Variants in IRF6 observed in about 807,000 individuals in gnomAD.
The protein encoded by IRF6 is interferon regulatory factor 6, also known as Van der Woude syndrome.
IRF6 carries 6 observed loss-of-function variants against 51.4 expected under a neutral mutation model. The ratio of observed to expected loss-of-function variants is 0.12; its 90% CI spans 0.06 to 0.23. The LOEUF is 0.23. Among genes scored for constraint, IRF6 ranks in the 10% least tolerant of loss-of-function variants. The probability of loss-of-function intolerance (pLI) is 1.00; values close to 1 mark genes in which losing one functional copy is unlikely to be tolerated. For missense variants in IRF6, 348 were observed against 585.2 expected (o/e 0.59, Z 4.18); for synonymous variants, 178 against 215.7 (o/e 0.83, Z 1.53).
At chr1:209,794,232 T>C (rs2077887263) in intron 5 of IRF6, among the ~76,000 whole-genome samples, 1 of 152,236 alleles carries the variant, frequency 6.6e-6, no homozygotes, top group Non-Finnish European at 1.5e-5. Flanking sequence ...TTCATCAGCA[T>C]CTGTTATTTT....
chr1:209,805,832 C>G (rs1167739690), intron 1 of IRF6, 115 bp downstream of exon 1: 2 of 152,508 alleles, frequency 1.3e-5, no homozygotes, highest in Non-Finnish European at 2.9e-5. Flanking sequence ...CCCAAACACA[C>G]AGATGCCCCC....
At chr1:209,804,180 AATCCTTTGT>A (rs1375184286) in intron 1 of IRF6, among the ~76,000 whole-genome samples, 1 of 152,200 alleles carries the variant, frequency 6.6e-6, no homozygotes, top group African/African-American at 2.4e-5. Context: ...TGGTAACAAC[AATCCTTTGT>A]ATCTGTGTAG....
At chr1:209,799,371 C>T (rs1021143488) in intron 3 of IRF6, among the ~76,000 whole-genome samples, 1 of 152,104 alleles carries the variant, frequency 6.6e-6, no homozygotes, top group African/African-American at 2.4e-5. Flanking sequence ...TTATTCAGCC[C>T]CTCTAAGACT....
chr1:209,787,652 AATAAGGTAAATGCC>A lies in IRF6; in HGVS notation c.*754_*767del, dbSNP rs1341052149. On this transcript the variant is annotated 3_prime_UTR_variant, in exon 9 of 9. Coordinates refer to ENST00000367021, the MANE Select transcript of IRF6 (RefSeq NM_006147.4). ...ACACACACACTGGTATTTGAGTGGTAATAAGGTAAATGCCTGACAACCTATTCTTCCACAGAATC... is the reference window on the plus strand; with the variant it reads ...ACACACACACTGGTATTTGAGTGGTATGACAACCTATTCTTCCACAGAATC... The A allele has an allele frequency of 6.7e-6, 1 of 149,492 alleles. No homozygotes were observed. Among genetic ancestry groups the A allele is most frequent in the African/African-American group, 2.4e-5 (1 of 40,830 alleles). 9.3% of individuals were successfully genotyped at this position (149,492 alleles called of 1,614,324 possible). A position where few individuals can be genotyped will look rare whatever the true frequency, so the allele number is the denominator to read the frequency against.
intron 5 of IRF6, 127 bp downstream of exon 5, chr1:209,795,163 T>A (rs2077892943): frequency 2.7e-6 from 3 of 1,110,230 alleles, no homozygotes; most frequent in Non-Finnish European, 4.1e-6. Flanking sequence ...TTGCTAACAG[T>A]CCAGCAGTCT....
rs2077845642 is a variant in IRF6 at position 209,788,195 on chromosome 1, T to C, written c.*225A>G. The C allele has an allele frequency of 1.8e-6, 1 of 564,662 alleles. No individual in the cohort carries two copies. The highest frequency in any genetic ancestry group is 3.2e-6 in the Non-Finnish European group (1 of 316,958). The allele number at this position is 564,662 out of a possible 1,614,324, so 35.0% of individuals were successfully genotyped here. A position where few individuals can be genotyped will look rare whatever the true frequency, so the allele number is the denominator to read the frequency against. On this transcript the variant is annotated 3_prime_UTR_variant, in exon 9 of 9. Transcript: ENST00000367021. ...TCCCAGGCCAAATCTCCTTCTACTA[T>C]GCTATATCATACTACCATTAGGAGA... is the stretch of plus-strand genomic sequence containing the variant.
intron 3 of IRF6, among the ~76,000 whole-genome samples, 153 bp downstream of exon 3, chr1:209,801,086 CA>C (rs781380530): frequency 6.9e-6 from 1 of 145,500 alleles, no homozygotes; most frequent in African/African-American, 2.6e-5. Context: ...GACATGCCCC[CA>C]AAAGAGGAAT....
intron 3 of IRF6, among the ~76,000 whole-genome samples, chr1:209,800,180 A>G (rs2077931895): frequency 1.3e-5 from 2 of 152,224 alleles, no homozygotes; most frequent in Admixed American, 6.5e-5. Context: ...GTGACCAAGA[A>G]AGAAGCTGGT....
intron 3 of IRF6, among the ~76,000 whole-genome samples, chr1:209,797,370 C>CAAAA (rs11418099): frequency 0.012 from 572 of 48,580 alleles, 84 homozygotes; most frequent in African/African-American, 0.049. Flanking sequence ...AACTTCATCT[C>CAAAA]AAAAAAAAAA....
In IRF6 at chr1:209,796,274, G is replaced by A; in HGVS notation, c.379+74C>T. 2 of 1,278,642 alleles carry A rather than the reference G, an allele frequency of 1.6e-6. No homozygotes were observed. The highest frequency in any genetic ancestry group is 2.3e-6 in the Non-Finnish European group (2 of 882,674). The allele number at this position is 1,278,642 out of a possible 1,614,324, so 79.2% of individuals were successfully genotyped here. A position where few individuals can be genotyped will look rare whatever the true frequency, so the allele number is the denominator to read the frequency against. ...ACTGTGTAAATCAGGCTGTTTTCAA[G>A]TTGACTATCTCTTAAGAGTGCAGCC... On this transcript the variant is annotated intron_variant, in intron 4 of 8. Coordinates refer to ENST00000367021, the MANE Select transcript of IRF6 (RefSeq NM_006147.4). This position sits in a 1 kb window ranked among gnomAD's most constrained non-coding sequence, Gnocchi z 4.5.
chr1:209,792,557 C>A, intron 5 of IRF6, 130 bp from the exon 6 acceptor site: 2 of 911,128 alleles, frequency 2.2e-6, no homozygotes, highest in East Asian at 5.2e-5. Context: ...GATCTTCCAG[C>A]CCATCAGTGA....
chr1:209,790,432 T>C lies in IRF6; in HGVS notation c.1060+63A>G, dbSNP rs1558039021. 4 of 1,548,714 alleles carry C rather than the reference T, an allele frequency of 2.6e-6. No homozygotes were observed. The highest frequency in any genetic ancestry group is 2.7e-5 in the African/African-American group (2 of 73,522). ...AAAGCAGGAAGGTGAAAGACAGGGA[T>C]AGTGGAAGGAATGTACTTCCAGAGA... On this transcript the variant is annotated intron_variant, in intron 7 of 8. Coordinates refer to ENST00000367021, the MANE Select transcript of IRF6 (RefSeq NM_006147.4). The surrounding 1 kb of genome is among the most constrained non-coding windows in gnomAD (Gnocchi z 4.8).
At chr1:209,794,390 T>C (rs2077888344) in intron 5 of IRF6, among the ~76,000 whole-genome samples, 1 of 152,174 alleles carries the variant, frequency 6.6e-6, no homozygotes. Flanking sequence ...CCACACTTGG[T>C]TGCAAAGATA....
In IRF6 at chr1:209,801,274, C is replaced by A. The variant is rs1022594601; in HGVS notation, c.140G>T (p.Ser47Ile). The A allele has an allele frequency of 6.2e-7, 1 of 1,613,284 alleles. No homozygotes were observed. The highest frequency in any genetic ancestry group is 2.2e-5 in the East Asian group (1 of 44,818). Residue 47 changes from serine to isoleucine, a missense_variant, in exon 3 of 9, where the codon AGC becomes ATC. Physicochemically the swap from Ser to Ile is moderately radical, Grantham distance 142. This residue lies in a region of IRF6 where 48 missense variants were observed against 128.1 expected (regional missense o/e 0.37). Transcript: ENST00000367021. Reference protein sequence around the residue: ...QIPWKHATRHSPQQEEENTIF... With the variant: ...QIPWKHATRHIPQQEEENTIF... ...GGTATTTTCCTCTTCTTGTTGAGGG[C>A]TATGCCGGGTGGCATGTTTCCAGGG...
At chr1:209,792,470 T>A (rs941006214) in intron 5 of IRF6, 43 bp from the exon 6 acceptor site, 3 of 1,603,446 alleles carry the variant, frequency 1.9e-6, no homozygotes, top group Non-Finnish European at 2.6e-6. Flanking sequence ...GTACCACACG[T>A]GCACATCACT....
chr1:209,791,183 A>T (rs2102537454), intron 6 of IRF6, among the ~76,000 whole-genome samples: 1 of 152,318 alleles, frequency 6.6e-6, no homozygotes, highest in East Asian at 1.9e-4. Context: ...CCCACGCTAT[A>T]CTGACTGAGT....
intron 3 of IRF6, among the ~76,000 whole-genome samples, chr1:209,798,908 C>CAAAAAA (rs61182544): frequency 7.1e-5 from 7 of 99,088 alleles, no homozygotes; most frequent in African/African-American, 1.3e-4. Context: ...GACTCTGTCT[C>CAAAAAA]AAAAAAAAAA....
At chr1:209,794,213 T>C (rs1367016238) in intron 5 of IRF6, among the ~76,000 whole-genome samples, 4 of 152,208 alleles carry the variant, frequency 2.6e-5, no homozygotes, top group Admixed American at 2.6e-4. Context: ...GTTCCCTTTT[T>C]TCCATAACTT....
At chr1:209,803,003 C>A (rs2077952962) in intron 1 of IRF6, among the ~76,000 whole-genome samples, 1 of 152,216 alleles carries the variant, frequency 6.6e-6, no homozygotes, top group African/African-American at 2.4e-5. Flanking sequence ...ATTACCAAGT[C>A]CTGCAACTGA....
Sources: allele counts gnomAD v4.1 joint callset (sites outside exome capture counted in the v4.1 genomes callset), GRCh38; gene constraint gnomAD v4.1.1; regional missense constraint gnomAD v4.1.1; non-coding constraint Gnocchi (gnomAD v3.1); transcripts MANE v1.5; gene names NCBI Gene and HGNC (gene_info 2026-07-23, HGNC 2026-07-21).